KHDRBS2: variants seen among roughly 807,000 people sequenced by gnomAD.
The protein encoded by KHDRBS2 is KH domain-containing, RNA-binding, signal transduction-associated protein 2.
A neutral mutation model predicts 44.3 loss-of-function variants in KHDRBS2; 26 were observed. The observed-to-expected ratio is 0.59, with a 90% CI of 0.43 to 0.81. The LOEUF (loss-of-function observed/expected upper bound fraction) is 0.81, where lower values mean the gene tolerates loss of function less well. KHDRBS2 is among the 40% of genes least tolerant of loss of function. KHDRBS2 has a pLI of 0.00. For missense variants in KHDRBS2, 476 were observed against 433.1 expected (o/e 1.10, Z -0.88); for synonymous variants, 194 against 151.1 (o/e 1.28, Z -2.08).
chr6:61,638,777 ACTT>A, the KHDRBS2 span, among the ~76,000 whole-genome samples: 1 of 152,150 alleles, frequency 6.6e-6, no homozygotes, highest in East Asian at 1.9e-4. Flanking sequence ...AATATTATAA[ACTT>A]CAACATATTT....
intron 2 of KHDRBS2, among the ~76,000 whole-genome samples, chr6:62,136,260 C>T (rs1184981365): frequency 3.3e-5 from 5 of 152,110 alleles, no homozygotes; most frequent in Non-Finnish European, 5.9e-5. Context: ...GGAATTTGGT[C>T]CACAGGCCAC....
chr6:61,886,888 G>A (rs1335591290), intron 6 of KHDRBS2, among the ~76,000 whole-genome samples: 1 of 152,098 alleles, frequency 6.6e-6, no homozygotes, highest in Non-Finnish European at 1.5e-5. Context: ...CTTAGTTTCT[G>A]GAGGTATTGA....
At chr6:61,590,223 T>C in the KHDRBS2 span, among the ~76,000 whole-genome samples, 3 of 152,296 alleles carry the variant, frequency 2.0e-5, no homozygotes, top group African/African-American at 7.2e-5. Flanking sequence ...ATGGGGACTA[T>C]TAAAAGTATG....
At chr6:61,640,780 T>C in the KHDRBS2 span, among the ~76,000 whole-genome samples, 1 of 152,146 alleles carries the variant, frequency 6.6e-6, no homozygotes. Context: ...ATGAAAACCT[T>C]TCTTGAATAG....
At chr6:61,933,088 A>G (rs1192825931) in intron 4 of KHDRBS2, among the ~76,000 whole-genome samples, 2 of 152,212 alleles carry the variant, frequency 1.3e-5, no homozygotes, top group Non-Finnish European at 2.9e-5. Flanking sequence ...CAGGCTGTAC[A>G]GAAAGTATGG....
intron 1 of KHDRBS2, among the ~76,000 whole-genome samples, chr6:62,257,221 T>C (rs1837529715): frequency 6.6e-6 from 1 of 152,196 alleles, no homozygotes; most frequent in African/African-American, 2.4e-5. Flanking sequence ...AGACATATAG[T>C]TTGCAATAAA....
intron 6 of KHDRBS2, among the ~76,000 whole-genome samples, chr6:61,871,948 T>TG (rs1364674361): frequency 5.7e-4 from 17 of 29,836 alleles, no homozygotes; most frequent in East Asian, 2.6e-3. Flanking sequence ...TGTCAGGGGG[T>TG]GGGGGGGTAG....
At chr6:62,281,605 G>A (rs567937903) in intron 1 of KHDRBS2, among the ~76,000 whole-genome samples, 4 of 152,234 alleles carry the variant, frequency 2.6e-5, no homozygotes, top group Admixed American at 6.5e-5. Context: ...GGGCAACAGC[G>A]CAAGGCTCTG....
At chr6:62,034,409 C>T (rs921858629) in intron 3 of KHDRBS2, among the ~76,000 whole-genome samples, 1 of 151,780 alleles carries the variant, frequency 6.6e-6, no homozygotes, top group African/African-American at 2.4e-5. Context: ...AATATTGACA[C>T]AAAAATCCTC....
intron 6 of KHDRBS2, among the ~76,000 whole-genome samples, chr6:61,853,820 C>G (rs1795794206): frequency 6.6e-6 from 1 of 152,166 alleles, no homozygotes; most frequent in Non-Finnish European, 1.5e-5. Context: ...TTGCTCTATC[C>G]TGCATGACTT....
At chr6:62,173,383 C>G (rs1820460476) in intron 2 of KHDRBS2, among the ~76,000 whole-genome samples, 1 of 151,976 alleles carries the variant, frequency 6.6e-6, no homozygotes, top group Non-Finnish European at 1.5e-5. Flanking sequence ...CAAGATAGAA[C>G]AAGGGAGAGA....
At chr6:62,186,500 T>C (rs1322655972) in intron 1 of KHDRBS2, among the ~76,000 whole-genome samples, 1 of 152,064 alleles carries the variant, frequency 6.6e-6, no homozygotes, top group Non-Finnish European at 1.5e-5. Context: ...TAATTATTGA[T>C]GGTATACCCA....
At chr6:61,862,930 T>C (rs999675957) in intron 6 of KHDRBS2, among the ~76,000 whole-genome samples, 2 of 150,408 alleles carry the variant, frequency 1.3e-5, no homozygotes, top group South Asian at 2.1e-4. Flanking sequence ...GCAATATTCA[T>C]CTGGTAAGCT....
intron 3 of KHDRBS2, among the ~76,000 whole-genome samples, chr6:62,013,582 T>C (rs985088293): frequency 3.7e-4 from 57 of 152,226 alleles, no homozygotes; most frequent in Admixed American, 7.2e-4. Context: ...TTTATTTAAA[T>C]TACTATTATT....
chr6:61,716,693 C>T (rs1429847348), intron 7 of KHDRBS2, among the ~76,000 whole-genome samples: 2 of 152,046 alleles, frequency 1.3e-5, no homozygotes, highest in African/African-American at 4.8e-5. Context: ...CAGTCGTATA[C>T]ATTCACAAAC....
intron 3 of KHDRBS2, among the ~76,000 whole-genome samples, chr6:62,002,605 A>G (rs951971314): frequency 2.0e-5 from 3 of 151,300 alleles, no homozygotes; most frequent in African/African-American, 4.8e-5. Context: ...GAAGATTTCA[A>G]TCGTAATGTA....
At chr6:61,943,056 G>A (rs1812470512) in intron 4 of KHDRBS2, among the ~76,000 whole-genome samples, 1 of 143,654 alleles carries the variant, frequency 7.0e-6, no homozygotes, top group Admixed American at 7.3e-5. Flanking sequence ...GGGAGGGAAA[G>A]GAAGGAAGGA....
At chr6:61,692,214 T>C (rs1343099154) in intron 8 of KHDRBS2, among the ~76,000 whole-genome samples, 4 of 152,088 alleles carry the variant, frequency 2.6e-5, no homozygotes, top group African/African-American at 9.7e-5. Context: ...ATAGTGATTC[T>C]GATAAATTAA....
chr6:61,671,545 T>C, the KHDRBS2 span, among the ~76,000 whole-genome samples: 14 of 151,666 alleles, frequency 9.2e-5, no homozygotes, highest in Non-Finnish European at 1.6e-4. Context: ...AAATATTCTT[T>C]TGAATAACAA....
Sources: gnomAD v4.1 joint callset for allele counts (sites outside exome capture counted in the v4.1 genomes callset) on GRCh38, gnomAD v4.1.1 for gene constraint, MANE v1.5 for transcripts, NCBI Gene and HGNC (gene_info 2026-07-23, HGNC 2026-07-21) for gene names.